ULK4: variants seen among roughly 807,000 people sequenced by gnomAD.
ULK4 encodes the protein inactive serine/threonine-protein kinase ULK4.
In ULK4, 133 loss-of-function variants were observed where a neutral mutation model predicts 160.6. The observed-to-expected ratio is 0.83, with a 90% confidence interval of 0.72 to 0.96. ULK4 has a LOEUF of 0.96. Among genes scored for constraint, ULK4 ranks in the 40% least tolerant of loss-of-function variants. ULK4 has a pLI of 0.00. For synonymous variants in ULK4, 534 were observed against 539.8 expected (o/e 0.99, Z 0.15); for missense variants, 1,580 against 1,499.5 (o/e 1.05, Z -0.89).
chr3:41,624,748 C>T (rs560548484), intron 30 of ULK4, among the ~76,000 whole-genome samples: 3 of 152,178 alleles, frequency 2.0e-5, no homozygotes, highest in South Asian at 4.1e-4. Context: ...TCATCCTTAT[C>T]GTCACAAATG....
chr3:41,470,025 A>AAAAAC (rs2083939903), intron 32 of ULK4, among the ~76,000 whole-genome samples: 1 of 140,324 alleles, frequency 7.1e-6, no homozygotes, highest in Non-Finnish European at 1.6e-5. Flanking sequence ...ACAGAAAAAA[A>AAAAAC]AAAAAAAAAA....
intron 18 of ULK4, among the ~76,000 whole-genome samples, chr3:41,827,903 A>T (rs992817543): frequency 2.0e-5 from 3 of 152,040 alleles, no homozygotes; most frequent in Admixed American, 2.0e-4. Flanking sequence ...ATCCCCAATA[A>T]AATACGGGCA....
intron 16 of ULK4, among the ~76,000 whole-genome samples, chr3:41,888,901 C>T (rs182251622): frequency 6.5e-4 from 99 of 152,228 alleles, no homozygotes; most frequent in Non-Finnish European, 1.2e-3. Context: ...GTCAGCAGGC[C>T]CCACCTACCC....
intron 32 of ULK4, among the ~76,000 whole-genome samples, chr3:41,483,421 G>A (rs138456283): frequency 3.8e-4 from 58 of 151,802 alleles, no homozygotes; most frequent in African/African-American, 9.2e-4. Context: ...CACCTCATAT[G>A]CATACTGTTT....
At chr3:41,294,189 G>C (rs557940248) in intron 35 of ULK4, among the ~76,000 whole-genome samples, 1 of 152,310 alleles carries the variant, frequency 6.6e-6, no homozygotes, top group Admixed American at 6.5e-5. Flanking sequence ...CTTCGTGAAT[G>C]GTTTAGTGCT....
At chr3:41,768,909 G>C (rs888405415) in intron 21 of ULK4, among the ~76,000 whole-genome samples, 1 of 152,140 alleles carries the variant, frequency 6.6e-6, no homozygotes, top group Non-Finnish European at 1.5e-5. Flanking sequence ...TTGATATACA[G>C]ATGCTTTTCA....
At chr3:41,419,012 C>T (rs562473707) in intron 34 of ULK4, among the ~76,000 whole-genome samples, 1 of 152,190 alleles carries the variant, frequency 6.6e-6, no homozygotes, top group South Asian at 2.1e-4. Context: ...AAGAGTCTTA[C>T]GAGGTTAGAA....
chr3:41,790,669 T>A (rs1255264496), intron 20 of ULK4, among the ~76,000 whole-genome samples: 1 of 152,204 alleles, frequency 6.6e-6, no homozygotes, highest in African/African-American at 2.4e-5. Context: ...AGACGTAAGC[T>A]GTCTGATGCA....
intron 19 of ULK4, among the ~76,000 whole-genome samples, chr3:41,807,006 T>C (rs184916458): frequency 3.9e-5 from 6 of 152,148 alleles, no homozygotes; most frequent in Admixed American, 3.3e-4. Context: ...TACACGCCTA[T>C]AGTCCCTGCT....
At chr3:41,414,183 A>G (rs999313179) in intron 34 of ULK4, among the ~76,000 whole-genome samples, 1 of 152,244 alleles carries the variant, frequency 6.6e-6, no homozygotes, top group Admixed American at 6.5e-5. Flanking sequence ...CCTGGGCAAC[A>G]AGAGCGAAAT....
chr3:41,954,651 T>C lies in ULK4; in HGVS notation c.109A>G (p.Lys37Glu), dbSNP rs760350594. 1 of 1,613,890 alleles carries C rather than the reference T, an allele frequency of 6.2e-7. No individual in the cohort carries two copies. Among genetic ancestry groups the C allele is most frequent in the Non-Finnish European group, 8.5e-7 (1 of 1,179,860 alleles). The change falls in exon 2 of 37, where the codon AAG becomes GAG. Residue 37 changes from lysine to glutamate, a missense_variant. Lys to Glu is a moderately conservative substitution (Grantham distance 56, BLOSUM62 1). Coordinates refer to ENST00000301831, the MANE Select transcript of ULK4 (RefSeq NM_017886.4). ...TTGGTTATTTCAGGCCTTTTGCACT[T>C]ATCAGTACAAAGAATGGCTACAAAA... ...INFVAILCTD[K>E]CKRPEITNWV...
intron 34 of ULK4, among the ~76,000 whole-genome samples, chr3:41,434,792 C>T (rs1004333356): frequency 4.6e-5 from 7 of 152,048 alleles, no homozygotes; most frequent in Non-Finnish European, 7.4e-5. Context: ...TATTGTTTTA[C>T]ATTATAGTAT....
intron 35 of ULK4, among the ~76,000 whole-genome samples, chr3:41,348,838 GCAC>G (rs1280610891): frequency 6.6e-6 from 1 of 152,176 alleles, no homozygotes; most frequent in Non-Finnish European, 1.5e-5. Context: ...CGGTTTGGCT[GCAC>G]CTCGCCAGAG....
intron 32 of ULK4, among the ~76,000 whole-genome samples, chr3:41,508,283 C>G (rs1353149463): frequency 6.6e-6 from 1 of 152,078 alleles, no homozygotes; most frequent in Non-Finnish European, 1.5e-5. Context: ...CACAGCAAGC[C>G]CTGCCCAAGG....
intron 19 of ULK4, among the ~76,000 whole-genome samples, chr3:41,801,951 A>G (rs73073371): frequency 0.12 from 18,769 of 152,010 alleles, 1,335 homozygotes; most frequent in Middle Eastern, 0.27. Flanking sequence ...AGGCTGACAG[A>G]TAATTCTCAT....
At chr3:41,833,196 T>C (rs554385124) in intron 18 of ULK4, among the ~76,000 whole-genome samples, 85 of 152,228 alleles carry the variant, frequency 5.6e-4, no homozygotes, top group Non-Finnish European at 1.1e-3. Context: ...TTGTGTCCTC[T>C]CTTATTTCCT....
intron 4 of ULK4, among the ~76,000 whole-genome samples, chr3:41,935,544 A>G (rs1699748589): frequency 6.7e-6 from 1 of 149,942 alleles, no homozygotes; most frequent in Non-Finnish European, 1.5e-5. Context: ...TGTTTTTAGT[A>G]AAGATGGGGT....
intron 35 of ULK4, among the ~76,000 whole-genome samples, chr3:41,360,483 C>A (rs2081120366): frequency 6.6e-6 from 1 of 152,080 alleles, no homozygotes; most frequent in Admixed American, 6.6e-5. Flanking sequence ...ACTGCAGCGC[C>A]ATTCACAATA....
At chr3:41,936,993 G>A (rs1190939460) in intron 3 of ULK4, 3 of 239,590 alleles carry the variant, frequency 1.3e-5, no homozygotes, top group East Asian at 1.5e-4. Context: ...CACACTGCAT[G>A]CCTGTACCAA....
Sources: gnomAD v4.1 joint callset for allele counts (sites outside exome capture counted in the v4.1 genomes callset) on GRCh38, gnomAD v4.1.1 for gene constraint, MANE v1.5 for transcripts, NCBI Gene and HGNC (gene_info 2026-07-23, HGNC 2026-07-21) for gene names.